CHN1: variants seen among roughly 807,000 people sequenced by gnomAD.
The protein encoded by CHN1 is chimerin 1.
Under a neutral mutation model 59.5 loss-of-function variants are expected in CHN1, and 37 were observed. That is an observed-to-expected ratio of 0.62 (90% confidence interval 0.48 to 0.82). The LOEUF (loss-of-function observed/expected upper bound fraction) is 0.82, where lower values mean the gene tolerates loss of function less well. Ranked by LOEUF, CHN1 falls within the 40% of genes least tolerant of loss-of-function variation. The pLI is 0.00. For synonymous variants in CHN1, 206 were observed against 200.4 expected, an observed-to-expected ratio of 1.03 and a Z score of -0.24; for missense variants, 469 against 571.0, an observed-to-expected ratio of 0.82 and a Z score of 1.82.
intron 7 of CHN1, among the ~76,000 whole-genome samples, chr2:174,835,444 T>A (rs957741881): frequency 1.3e-5 from 2 of 152,218 alleles, no homozygotes; most frequent in Admixed American, 6.5e-5. Flanking sequence ...ATTTATACAA[T>A]TTTTGGTCAC....
At chr2:174,802,367 C>T (rs1574031815) in intron 11 of CHN1, among the ~76,000 whole-genome samples, 1 of 152,320 alleles carries the variant, frequency 6.6e-6, no homozygotes, top group East Asian at 1.9e-4. Context: ...ATTCATTACA[C>T]TGTTTTAAAT....
chr2:174,809,299 T>C (rs1685001394), intron 10 of CHN1, among the ~76,000 whole-genome samples: 1 of 152,208 alleles, frequency 6.6e-6, no homozygotes, highest in African/African-American at 2.4e-5. Flanking sequence ...ATAGCCCTTA[T>C]TAAAATAAAA....
Position 174,877,975 on chromosome 2 carries a change from C to T in CHN1, c.414G>A (p.Thr138=), listed in dbSNP as rs375001529. 3.6e-5 allele frequency: 58 copies of T among 1,613,610 alleles called. No individual in the cohort carries two copies. Among genetic ancestry groups the T allele is most frequent in the East Asian group, 3.3e-4 (15 of 44,876 alleles). ...CTACGTGCTCATAAATTGGGTTTAT[C>T]GTCATCTTGGCAATGTATTCTGCTG... The part of the protein sequence containing the change: ...TKAAEYIAKM[T]INPIYEHVGY... Residue 138 remains threonine, a synonymous_variant, in exon 6 of 13, where the codon ACG becomes ACA. Coordinates refer to ENST00000409900, the MANE Select transcript of CHN1 (RefSeq NM_001822.7).
chr2:174,825,979 A>G (rs1411950442), intron 7 of CHN1, among the ~76,000 whole-genome samples: 4 of 152,224 alleles, frequency 2.6e-5, no homozygotes, highest in African/African-American at 7.2e-5. Context: ...ATGAAACAGA[A>G]TATCAGAATT....
rs77557731 is a variant in CHN1, at chr2:174,860,699, T to C, written c.550-13742A>G. 4.4e-3 allele frequency among the ~76,000 whole-genome samples: 664 copies of C among 152,326 alleles called. 6 individuals are homozygous for C. Among genetic ancestry groups the C allele is most frequent in the African/African-American group, 0.015 (630 of 41,578 alleles). ...TGAGATAAGTGCTGCATGAATAATG[T>C]ATTTTTGCACCGTATTTTTGTCCCA... is the stretch of plus-strand genomic sequence containing the variant. On this transcript the variant is annotated intron_variant, in intron 6 of 12. Coordinates refer to ENST00000409900, the MANE Select transcript of CHN1 (RefSeq NM_001822.7).
At chr2:174,800,815 T>G (rs1009495170) in intron 12 of CHN1, among the ~76,000 whole-genome samples, 1 of 152,192 alleles carries the variant, frequency 6.6e-6, no homozygotes, top group Non-Finnish European at 1.5e-5. Context: ...ACAGAAAATA[T>G]GATTTGAGAG....
In CHN1 at chr2:175,005,381, C is replaced by T. The variant is rs958126549; in HGVS notation, c.-469G>A. On this transcript the variant is annotated 5_prime_UTR_variant, in exon 1 of 13. In the 5' UTR this introduces an upstream ATG that the reference lacks. Coordinates refer to ENST00000409900, the MANE Select transcript of CHN1 (RefSeq NM_001822.7). ...CGCCATCTTGCGATAGCGTCTCCCA[C>T]GAGCTCGGCCGCGCCGCTGCCTCCC... The T allele has an allele frequency of 2.8e-6, 3 of 1,064,448 alleles. No individual in the cohort carries two copies. Among genetic ancestry groups the T allele is most frequent in the Admixed American group, 5.6e-5 (1 of 17,732 alleles). The allele number at this position is 1,064,448 out of a possible 1,614,324, so 65.9% of individuals were successfully genotyped here. A position where few individuals can be genotyped will look rare whatever the true frequency, so the allele number is the denominator to read the frequency against.
chr2:174,978,613 C>T (rs1057485781), intron 1 of CHN1, among the ~76,000 whole-genome samples: 1 of 152,204 alleles, frequency 6.6e-6, no homozygotes, highest in African/African-American at 2.4e-5. Context: ...TTTGTAAATA[C>T]TAATTCCAGG....
At chr2:174,979,971 T>C (rs1343167664) in intron 1 of CHN1, among the ~76,000 whole-genome samples, 2 of 152,184 alleles carry the variant, frequency 1.3e-5, no homozygotes, top group Admixed American at 1.3e-4. Flanking sequence ...AGATTTAAAA[T>C]TTAAGAATTT....
intron 4 of CHN1, 113 bp from the exon 5 acceptor site, chr2:174,915,284 GCCA>G: frequency 1.3e-6 from 1 of 797,636 alleles, no homozygotes; most frequent in Non-Finnish European, 2.1e-6. Context: ...ACAAAGTACT[GCCA>G]CATAATGGAA....
chr2:174,819,366 T>C (rs1381640711), intron 8 of CHN1, among the ~76,000 whole-genome samples: 2 of 152,200 alleles, frequency 1.3e-5, no homozygotes, highest in Admixed American at 6.5e-5. Flanking sequence ...GAGGCAGCAA[T>C]GATAATGATA....
intron 8 of CHN1, among the ~76,000 whole-genome samples, chr2:174,815,340 T>G (rs976301624): frequency 3.3e-5 from 5 of 152,092 alleles, no homozygotes; most frequent in Non-Finnish European, 7.4e-5. Flanking sequence ...ATCACACCAC[T>G]GCACCCCAGC....
chr2:175,002,135 G>A (rs545039364), intron 1 of CHN1, among the ~76,000 whole-genome samples: 5 of 152,302 alleles, frequency 3.3e-5, no homozygotes, highest in East Asian at 3.9e-4. Flanking sequence ...CAAGGTGAGC[G>A]AGCAGAGTCT....
At chr2:174,930,997 T>C (rs1222774037) in intron 3 of CHN1, among the ~76,000 whole-genome samples, 3 of 152,126 alleles carry the variant, frequency 2.0e-5, no homozygotes, top group Non-Finnish European at 4.4e-5. Flanking sequence ...CTCGTACTCC[T>C]GACCTCGTGA....
rs562126582 is a variant in CHN1, at chr2:174,872,187, G to A, written c.549+5653C>T. Among the ~76,000 whole-genome samples the A allele has an allele frequency of 2.0e-5, 3 of 152,292 alleles. No homozygotes were observed. In the South Asian group the frequency reaches 6.2e-4, roughly 32 times the overall value. On this transcript the variant is annotated intron_variant, in intron 6 of 12. Transcript: ENST00000409900. ...TAGTCCCAGCTATTTGGGAGGCTAA[G>A]GCAGGAGGATCGCTTGAGCCCAGGA...
At chr2:174,945,661 C>A (rs1689805727) in intron 2 of CHN1, among the ~76,000 whole-genome samples, 1 of 151,896 alleles carries the variant, frequency 6.6e-6, no homozygotes, top group African/African-American at 2.4e-5. Flanking sequence ...CTAAGTTTAT[C>A]TCTTAGAGAT....
chr2:174,802,883 C>T (rs1446453893), intron 11 of CHN1, among the ~76,000 whole-genome samples: 1 of 151,978 alleles, frequency 6.6e-6, no homozygotes, highest in Non-Finnish European at 1.5e-5. Context: ...ACTAAAAATA[C>T]AAAAATTAGC....
chr2:174,877,429 C>A (rs1269943487), intron 6 of CHN1, among the ~76,000 whole-genome samples: 1 of 151,880 alleles, frequency 6.6e-6, no homozygotes. Flanking sequence ...GCTAAGAACA[C>A]AACTATTTAT....
intron 1 of CHN1, among the ~76,000 whole-genome samples, chr2:174,999,692 C>T (rs1285778103): frequency 6.6e-6 from 1 of 152,018 alleles, no homozygotes. Flanking sequence ...ACTGTATTTA[C>T]GTTATGCAGA....
Sources: gnomAD v4.1 joint callset for allele counts (sites outside exome capture counted in the v4.1 genomes callset) on GRCh38, gnomAD v4.1.1 for gene constraint, MANE v1.5 for transcripts, NCBI Gene and HGNC (gene_info 2026-07-23, HGNC 2026-07-21) for gene names.